Variants in ANKRD30A observed in about 807,000 individuals in gnomAD.
The protein encoded by ANKRD30A is ankyrin repeat domain-containing protein 30A.
Under a neutral mutation model 166.3 loss-of-function variants are expected in ANKRD30A, and 170 were observed. The observed-to-expected ratio is 1.02, with a 90% CI of 0.90 to 1.16. The LOEUF is 1.16. Ranked by LOEUF, ANKRD30A falls within the 50% of genes most tolerant of loss-of-function variation. The pLI, the probability that ANKRD30A is intolerant of heterozygous loss-of-function variation, is 0.00. For synonymous variants in ANKRD30A, 564 were observed against 508.9 expected, an observed-to-expected ratio of 1.11 and a Z score of -1.46; for missense variants, 1,630 against 1,518.0, an observed-to-expected ratio of 1.07 and a Z score of -1.23.
At chr10:37,247,715 CAAA>C in the ANKRD30A span, among the ~76,000 whole-genome samples, 12 of 133,462 alleles carry the variant, frequency 9.0e-5, no homozygotes, top group East Asian at 2.2e-4. Flanking sequence ...ACTAAAAATA[CAAA>C]AAAAAAAAAA....
chr10:37,142,303 A>G lies in ANKRD30A; in HGVS notation c.1393+13A>G, dbSNP rs779697048. 1.3e-5 allele frequency: 20 copies of G among 1,571,512 alleles called. No individual in the cohort carries two copies. The South Asian group carries it at 2.4e-4, about 19-fold the overall frequency. On this transcript the variant is annotated intron_variant, in intron 7 of 35. Transcript: ENST00000361713. ...GCAAGTGCCAATGGTAAGATGCTAG[A>G]GCGAACTTTGTAAGGTTTATTGGCA...
At chr10:37,255,294 G>A in the ANKRD30A span, among the ~76,000 whole-genome samples, 1 of 151,988 alleles carries the variant, frequency 6.6e-6, no homozygotes. Context: ...GAAGGGGGAG[G>A]GTGATAAGAA....
At chr10:37,255,661 C>A in the ANKRD30A span, among the ~76,000 whole-genome samples, 1 of 152,090 alleles carries the variant, frequency 6.6e-6, no homozygotes, top group Non-Finnish European at 1.5e-5. Context: ...TCCCGAGCTC[C>A]TGAGAGGAAT....
intron 34 of ANKRD30A, among the ~76,000 whole-genome samples, chr10:37,223,417 G>A (rs1279280462): frequency 1.3e-5 from 2 of 151,346 alleles, no homozygotes; most frequent in African/African-American, 4.8e-5. Context: ...GGGAACAAAT[G>A]AGAGCTTTCA....
Position 37,152,074 on chromosome 10 carries a change from C to G in ANKRD30A, c.1660C>G (p.Pro554Ala). The change falls in exon 12 of 36, where the codon CCA becomes GCA. Residue 554 changes from proline to alanine, a missense_variant. Coordinates refer to ENST00000361713, the MANE Select transcript of ANKRD30A (RefSeq NM_052997.3). ...QTLRADPMFP[P>A]ESKQKDYEEN... The stretch of plus-strand genomic sequence containing the variant: ...ACCTTTTATAGATCCGATGTTCCCA[C>G]CAGAATCCAAACAAAAGGACTATGA... The G allele has an allele frequency of 6.2e-7, 1 of 1,609,306 alleles. No homozygotes were observed. The highest frequency in any genetic ancestry group is 1.7e-4 in the Middle Eastern group (1 of 6,038).
intron 34 of ANKRD30A, among the ~76,000 whole-genome samples, chr10:37,228,603 T>C (rs947102956): frequency 2.0e-5 from 3 of 151,998 alleles, no homozygotes; most frequent in African/African-American, 7.2e-5. Context: ...CTTGCCTCTT[T>C]GCTTCCCTGT....
chr10:37,261,637 GT>G, the ANKRD30A span, among the ~76,000 whole-genome samples: 5 of 152,114 alleles, frequency 3.3e-5, no homozygotes, highest in African/African-American at 1.2e-4. Context: ...GTGTTTGGTT[GT>G]TTGGTTTGTT....
Position 37,139,025 on chromosome 10 carries a change from G to C in ANKRD30A, c.820+2354G>C, listed in dbSNP as rs1197893780. Among the ~76,000 whole-genome samples the C allele has an allele frequency of 3.3e-5, 5 of 152,312 alleles. No homozygotes were observed. The South Asian group carries it at 1.0e-3, about 32-fold the overall frequency. On this transcript the variant is annotated intron_variant, in intron 6 of 35. Transcript: ENST00000361713. ...GAAGCCCATCAGACTAACAGCTGAT[G>C]TCTCGGCAGAAACGCTACAAGCCAG... is the stretch of plus-strand genomic sequence containing the variant.
intron 31 of ANKRD30A, among the ~76,000 whole-genome samples, chr10:37,210,165 A>C (rs538967659): frequency 6.6e-6 from 1 of 151,404 alleles, no homozygotes; most frequent in African/African-American, 2.4e-5. Context: ...CCCTGTGTCC[A>C]TATGTTCTCA....
chr10:37,211,764 T>C (rs557825438), intron 31 of ANKRD30A, among the ~76,000 whole-genome samples: 1 of 152,140 alleles, frequency 6.6e-6, no homozygotes, highest in Non-Finnish European at 1.5e-5. Context: ...TGTAAAAGCA[T>C]TCCTATTTCT....
chr10:37,232,855 G>A (rs1337796687), downstream of ANKRD30A, among the ~76,000 whole-genome samples: 11 of 141,524 alleles, frequency 7.8e-5, no homozygotes, highest in Admixed American at 2.1e-4. Flanking sequence ...GCTATGAATA[G>A]CCAATGCCCT....
intron 3 of ANKRD30A, among the ~76,000 whole-genome samples, chr10:37,130,869 T>TA (rs1554806009): frequency 2.0e-5 from 3 of 152,230 alleles, no homozygotes; most frequent in Admixed American, 6.5e-5. Flanking sequence ...TTACAACACT[T>TA]ACTCAGCTTA....
At chr10:37,146,159 A>G (rs1468824042) in intron 8 of ANKRD30A, among the ~76,000 whole-genome samples, 4 of 152,258 alleles carry the variant, frequency 2.6e-5, no homozygotes, top group African/African-American at 9.6e-5. Flanking sequence ...TTGTCCATAG[A>G]CAAAAAAAGA....
chr10:37,223,363 T>C (rs966687193), intron 34 of ANKRD30A, among the ~76,000 whole-genome samples: 4 of 151,290 alleles, frequency 2.6e-5, no homozygotes, highest in African/African-American at 9.7e-5. Context: ...AGAATGAGCG[T>C]AGTTACCTTA....
chr10:37,129,888 C>G lies in ANKRD30A; in HGVS notation c.222-5C>G. ...CTTTGCCAAAAAGTCCTCTCACTCTCGTAGGACTGCTCTACACTGGGCCTG... is the reference window on the plus strand; with the variant it reads ...CTTTGCCAAAAAGTCCTCTCACTCTGGTAGGACTGCTCTACACTGGGCCTG... On this transcript the variant is annotated splice_region_variant and splice_polypyrimidine_tract_variant and intron_variant, in intron 1 of 35. Coordinates refer to ENST00000361713, the MANE Select transcript of ANKRD30A (RefSeq NM_052997.3). 6 of 1,472,632 alleles carry G rather than the reference C, an allele frequency of 4.1e-6. No homozygotes were observed. The highest frequency in any genetic ancestry group is 5.4e-6 in the Non-Finnish European group (6 of 1,105,890). 91.2% of individuals were successfully genotyped at this position (1,472,632 alleles called of 1,614,324 possible). A position where few individuals can be genotyped will look rare whatever the true frequency, so the allele number is the denominator to read the frequency against.
At chr10:37,235,230 C>A (rs1006033156), downstream of ANKRD30A, among the ~76,000 whole-genome samples, 1 of 152,102 alleles carries the variant, frequency 6.6e-6, no homozygotes, top group Non-Finnish European at 1.5e-5. Flanking sequence ...TCTAATTCTT[C>A]TTTTATTCAT....
chr10:37,197,257 T>C, intron 27 of ANKRD30A, 24 bp from the exon 28 acceptor site: 1 of 1,601,684 alleles, frequency 6.2e-7, no homozygotes, highest in African/African-American at 1.3e-5. Context: ...TTATGATTGA[T>C]GATAAATCTC....
chr10:37,204,827 AG>A (rs560325373), intron 31 of ANKRD30A, among the ~76,000 whole-genome samples: 55 of 152,372 alleles, frequency 3.6e-4, no homozygotes, highest in Admixed American at 1.6e-3. Context: ...ATATTTATGC[AG>A]ACAACAGACA....
intron 15 of ANKRD30A, 111 bp downstream of exon 15, chr10:37,158,697 A>G (rs1361333667): frequency 2.7e-5 from 39 of 1,441,022 alleles, no homozygotes; most frequent in Non-Finnish European, 3.2e-5. Flanking sequence ...TTGATGGGAT[A>G]TTTTGATACA....
Sources: allele counts gnomAD v4.1 joint callset (sites outside exome capture counted in the v4.1 genomes callset), GRCh38; gene constraint gnomAD v4.1.1; transcripts MANE v1.5; gene names NCBI Gene and HGNC (gene_info 2026-07-23, HGNC 2026-07-21).